Variants in ENOPH1 observed in about 807,000 individuals in gnomAD.
ENOPH1 encodes the protein enolase-phosphatase E1.
A neutral mutation model predicts 31.1 loss-of-function variants in ENOPH1; 14 were observed. That is an observed-to-expected ratio of 0.45 (90% CI 0.30 to 0.70). The LOEUF (loss-of-function observed/expected upper bound fraction) is 0.70, where lower values mean the gene tolerates loss of function less well. Among genes scored for constraint, ENOPH1 ranks in the 30% least tolerant of loss-of-function variants. The pLI, the probability that ENOPH1 is intolerant of heterozygous loss-of-function variation, is 0.09. For missense variants in ENOPH1, 243 were observed against 321.5 expected, an observed-to-expected ratio of 0.76 and a Z score of 1.87; for synonymous variants, 127 against 123.2, an observed-to-expected ratio of 1.03 and a Z score of -0.21.
At chr4:82,446,957 C>T (rs1290689224) in intron 1 of ENOPH1, among the ~76,000 whole-genome samples, 3 of 151,470 alleles carry the variant, frequency 2.0e-5, no homozygotes, top group Admixed American at 6.6e-5. Context: ...CCACCCGCCT[C>T]GGCCTCCCAA....
At chr4:82,438,590 CTG>C (rs2110038223) in intron 1 of ENOPH1, among the ~76,000 whole-genome samples, 1 of 152,310 alleles carries the variant, frequency 6.6e-6, no homozygotes, top group African/African-American at 2.4e-5. Flanking sequence ...GAGGTAGAGA[CTG>C]TGGTGAGGTG....
At chr4:82,451,914 C>T (rs1722362199) in intron 3 of ENOPH1, among the ~76,000 whole-genome samples, 1 of 152,044 alleles carries the variant, frequency 6.6e-6, no homozygotes, top group Non-Finnish European at 1.5e-5. Flanking sequence ...TACCGAGTAG[C>T]TGGGACTAGG....
chr4:82,444,384 G>A (rs773748006), intron 1 of ENOPH1, among the ~76,000 whole-genome samples: 5 of 152,078 alleles, frequency 3.3e-5, no homozygotes, highest in Admixed American at 6.6e-5. Flanking sequence ...ACCACGCCCC[G>A]ACTAATTTTT....
chr4:82,433,451 A>G (rs2110035735), intron 1 of ENOPH1, among the ~76,000 whole-genome samples: 1 of 152,350 alleles, frequency 6.6e-6, no homozygotes, highest in South Asian at 2.1e-4. Flanking sequence ...GATCTTGTTT[A>G]AAGGATAATT....
chr4:82,456,787 C>A, intron 4 of ENOPH1, 128 bp from the exon 5 acceptor site: 1 of 1,187,724 alleles, frequency 8.4e-7, no homozygotes, highest in Non-Finnish European at 1.2e-6. Context: ...ATAAAGTTCC[C>A]TATTAAGTAG....
At position 82,460,052 on chromosome 4, in the gene ENOPH1, G is replaced by T; in HGVS notation, c.718G>T (p.Asp240Tyr). Residue 240 changes from aspartate to tyrosine, a missense_variant, in exon 6 of 6, where the codon GAT becomes TAT. Transcript: ENST00000273920. ...VVRPGNAGLT[D>Y]DEKTYYSLIT... is the part of the protein sequence containing the mutation. Reference sequence around the variant, plus strand: ...GAGACCAGGCAACGCAGGATTAACAGATGATGAGAAGACTTACTACAGCCT... The same window carrying T: ...GAGACCAGGCAACGCAGGATTAACATATGATGAGAAGACTTACTACAGCCT... The T allele has an allele frequency of 6.2e-7, 1 of 1,614,176 alleles. No homozygotes were observed. Among genetic ancestry groups the T allele is most frequent in the Non-Finnish European group, 8.5e-7 (1 of 1,180,018 alleles).
chr4:82,446,041 T>C (rs1037555924), intron 1 of ENOPH1, among the ~76,000 whole-genome samples: 1 of 152,222 alleles, frequency 6.6e-6, no homozygotes, highest in African/African-American at 2.4e-5. Flanking sequence ...TTGTGATTTA[T>C]CTTCTGGGAA....
At chr4:82,431,934 G>A (rs1181323420) in intron 1 of ENOPH1, among the ~76,000 whole-genome samples, 1 of 130,264 alleles carries the variant, frequency 7.7e-6, no homozygotes, top group Non-Finnish European at 1.6e-5. Flanking sequence ...TTTTTTCTTT[G>A]AGAGTCTCAC....
chr4:82,456,291 A>G (rs1172379503), intron 4 of ENOPH1, among the ~76,000 whole-genome samples: 2 of 151,708 alleles, frequency 1.3e-5, no homozygotes, highest in Admixed American at 1.3e-4. Context: ...AGTTTGTGAA[A>G]AGTTCTGAAA....
intron 1 of ENOPH1, among the ~76,000 whole-genome samples, chr4:82,441,478 C>G (rs953052772): frequency 6.6e-6 from 1 of 151,876 alleles, no homozygotes; most frequent in Non-Finnish European, 1.5e-5. Context: ...AAAAATTGGC[C>G]GGGTGTGGTG....
intron 1 of ENOPH1, among the ~76,000 whole-genome samples, chr4:82,433,840 C>T (rs1721837165): frequency 6.6e-6 from 1 of 152,168 alleles, no homozygotes; most frequent in Admixed American, 6.5e-5. Context: ...CTTTTAAACA[C>T]CTTTTAAAGA....
chr4:82,459,344 GC>G (rs754521498), intron 5 of ENOPH1, among the ~76,000 whole-genome samples: 1 of 152,142 alleles, frequency 6.6e-6, no homozygotes, highest in Non-Finnish European at 1.5e-5. Flanking sequence ...AGGCTGGAGT[GC>G]AGTAGTGCGA....
At chr4:82,459,356 T>C (rs961992032) in intron 5 of ENOPH1, among the ~76,000 whole-genome samples, 1 of 152,148 alleles carries the variant, frequency 6.6e-6, no homozygotes, top group African/African-American at 2.4e-5. Context: ...AGTAGTGCGA[T>C]CTCGGCTTGC....
In ENOPH1 at chr4:82,430,677, TC is replaced by T; in HGVS notation, c.-149del. 1 of 644,956 alleles carries T rather than the reference TC, an allele frequency of 1.6e-6. No individual in the cohort carries two copies. Among genetic ancestry groups the T allele is most frequent in the Non-Finnish European group, 2.7e-6 (1 of 370,982 alleles). The allele number at this position is 644,956 out of a possible 1,614,324, so 40.0% of individuals were successfully genotyped here. A position where few individuals can be genotyped will look rare whatever the true frequency, so the allele number is the denominator to read the frequency against. On this transcript the variant is annotated 5_prime_UTR_variant, in exon 1 of 6. Coordinates refer to ENST00000273920, the MANE Select transcript of ENOPH1 (RefSeq NM_021204.5). ...GTTCCAGGTGTGCAGAAGTGTCCTC[TC>T]CCCACGCGCGGCGGGCTGCACTTGG...
chr4:82,450,476 C>T (rs977302856), intron 2 of ENOPH1, among the ~76,000 whole-genome samples: 2 of 152,134 alleles, frequency 1.3e-5, no homozygotes, highest in Non-Finnish European at 2.9e-5. Context: ...ACATAGTCCC[C>T]CATTATTGTA....
At chr4:82,431,640 C>T (rs1008282745) in intron 1 of ENOPH1, among the ~76,000 whole-genome samples, 3 of 152,146 alleles carry the variant, frequency 2.0e-5, no homozygotes, top group African/African-American at 7.2e-5. Context: ...CGGATTCCTT[C>T]TTTATTCTTT....
In ENOPH1 at chr4:82,435,049, C is replaced by T. The variant is rs537241549; in HGVS notation, c.84+4136C>T. On this transcript the variant is annotated intron_variant, in intron 1 of 5. Transcript: ENST00000273920. ...ATGTTCCCACCGCATCTAAATCCAC[C>T]GCCACCATCCCTGCACTTTACCGCA... Among the ~76,000 whole-genome samples the T allele has an allele frequency of 1.2e-4, 18 of 152,268 alleles. No individual in the cohort carries two copies. In the South Asian group the frequency reaches 1.5e-3, roughly 12 times the overall value.
chr4:82,447,784 C>T (rs764152130), intron 1 of ENOPH1, 136 bp from the exon 2 acceptor site: 1 of 507,814 alleles, frequency 2.0e-6, no homozygotes, highest in African/African-American at 2.0e-5. Context: ...CTTTCTTGCT[C>T]ATATTCACAG....
chr4:82,454,385 T>G (rs555642220), intron 3 of ENOPH1, among the ~76,000 whole-genome samples: 1 of 152,338 alleles, frequency 6.6e-6, no homozygotes, highest in African/African-American at 2.4e-5. Context: ...AAAGATTATA[T>G]TATATCATTG....
Sources: gnomAD v4.1 joint callset for allele counts (sites outside exome capture counted in the v4.1 genomes callset) on GRCh38, gnomAD v4.1.1 for gene constraint, MANE v1.5 for transcripts, NCBI Gene and HGNC (gene_info 2026-07-23, HGNC 2026-07-21) for gene names.